Variants in TAFA2 observed in about 807,000 individuals in gnomAD.
TAFA2 encodes the protein chemokine-like protein TAFA-2.
In TAFA2, 7 loss-of-function variants were observed where a neutral mutation model predicts 18.8. The ratio of observed to expected loss-of-function variants is 0.37; its 90% CI spans 0.21 to 0.70. The LOEUF (loss-of-function observed/expected upper bound fraction) is 0.70, where lower values mean the gene tolerates loss of function less well. Among genes scored for constraint, TAFA2 ranks in the 30% least tolerant of loss-of-function variants. TAFA2 has a pLI of 0.53. For synonymous variants in TAFA2, 60 were observed against 54.2 expected, an observed-to-expected ratio of 1.11 and a Z score of -0.47; for missense variants, 122 against 158.1, an observed-to-expected ratio of 0.77 and a Z score of 1.23.
intron 1 of TAFA2, among the ~76,000 whole-genome samples, chr12:62,029,138 A>C (rs2136742436): frequency 6.6e-6 from 1 of 152,246 alleles, no homozygotes; most frequent in African/African-American, 2.4e-5. Flanking sequence ...ACTTTCACTA[A>C]CTGGTTTTAA....
intron 1 of TAFA2, among the ~76,000 whole-genome samples, chr12:62,035,865 C>T (rs1207954529): frequency 7.9e-5 from 12 of 151,076 alleles, no homozygotes; most frequent in Admixed American, 2.0e-4. Flanking sequence ...CCTCAGCCTC[C>T]GGTGTAGCTG....
chr12:62,252,985 C>T (rs2062921836), intron 1 of TAFA2: 1 of 152,126 alleles, frequency 6.6e-6, no homozygotes, highest in African/African-American at 2.4e-5. Flanking sequence ...AGAAGGGATC[C>T]ATGTAATTAA....
chr12:61,960,957 C>T (rs914683364), intron 1 of TAFA2, among the ~76,000 whole-genome samples: 1 of 151,816 alleles, frequency 6.6e-6, no homozygotes, highest in Non-Finnish European at 1.5e-5. Context: ...ATACCTGAGC[C>T]TAGGTAATTT....
At chr12:61,745,136 A>G (rs188458013) in intron 4 of TAFA2, among the ~76,000 whole-genome samples, 380 of 152,166 alleles carry the variant, frequency 2.5e-3, no homozygotes, top group Non-Finnish European at 4.6e-3. Context: ...AGAAATATCA[A>G]ATTTAAGGTG....
At chr12:62,077,987 A>T (rs1255562599) in intron 1 of TAFA2, among the ~76,000 whole-genome samples, 1 of 152,132 alleles carries the variant, frequency 6.6e-6, no homozygotes, top group East Asian at 1.9e-4. Flanking sequence ...CACACATTCA[A>T]ATAATCTGTT....
intron 1 of TAFA2, among the ~76,000 whole-genome samples, chr12:61,923,647 G>A (rs1877153847): frequency 6.6e-6 from 1 of 152,060 alleles, no homozygotes; most frequent in Admixed American, 6.6e-5. Context: ...AGCACAAAAA[G>A]GCTGAGAATT....
At chr12:62,088,880 TTCTCTCTCTCTC>T (rs35124773) in intron 1 of TAFA2, among the ~76,000 whole-genome samples, 2 of 149,206 alleles carry the variant, frequency 1.3e-5, no homozygotes, top group Non-Finnish European at 3.0e-5. Context: ...ATGTTTTTCT[TTCTCTCTCTCTC>T]TCTCTCTCTC....
intron 1 of TAFA2, among the ~76,000 whole-genome samples, chr12:62,008,381 C>G (rs1880626377): frequency 6.6e-6 from 1 of 151,964 alleles, no homozygotes; most frequent in South Asian, 2.1e-4. Flanking sequence ...AGTTTCTATA[C>G]TTTTTAAAAT....
chr12:61,956,947 T>C (rs544431988), intron 1 of TAFA2, among the ~76,000 whole-genome samples: 4 of 152,252 alleles, frequency 2.6e-5, no homozygotes, highest in Admixed American at 1.3e-4. Context: ...CAAAGTACTA[T>C]CTGCTTGCAG....
At chr12:61,773,749 T>C (rs1050331933) in intron 2 of TAFA2, among the ~76,000 whole-genome samples, 1 of 151,952 alleles carries the variant, frequency 6.6e-6, no homozygotes. Context: ...ACCATAAAAA[T>C]TCTAGAAGAA....
chr12:61,846,857 T>C (rs569090210), intron 2 of TAFA2, among the ~76,000 whole-genome samples: 6 of 152,292 alleles, frequency 3.9e-5, no homozygotes, highest in Admixed American at 1.3e-4. Context: ...GGTCTGCAGT[T>C]TCAAAATCCA....
At chr12:61,801,588 C>G (rs1461218350) in intron 2 of TAFA2, among the ~76,000 whole-genome samples, 3 of 152,018 alleles carry the variant, frequency 2.0e-5, no homozygotes, top group African/African-American at 7.2e-5. Flanking sequence ...CCCTATCTCT[C>G]ACCACATACA....
At position 62,062,275 on chromosome 12, in the gene TAFA2, A is replaced by G. The variant is rs577478826; in HGVS notation, c.-2+128984T>C. 5.3e-5 allele frequency among the ~76,000 whole-genome samples: 8 copies of G among 152,340 alleles called. No individual in the cohort carries two copies. The South Asian group carries it at 1.4e-3, about 28-fold the overall frequency. ...TCAAGATCAAGTCTACTGTCTTAAT[A>G]TATTTGCTAAATCTGTTAACAATAC... is the stretch of plus-strand genomic sequence containing the variant. On this transcript the variant is annotated intron_variant, in intron 1 of 4. Transcript: ENST00000416284.
chr12:61,972,769 A>G (rs1879294234), intron 1 of TAFA2, among the ~76,000 whole-genome samples: 2 of 151,622 alleles, frequency 1.3e-5, no homozygotes, highest in Admixed American at 1.3e-4. Context: ...GAGACGGGGC[A>G]ATGGGATGAT....
chr12:61,978,539 G>T (rs534261810), intron 1 of TAFA2, among the ~76,000 whole-genome samples: 107 of 152,120 alleles, frequency 7.0e-4, no homozygotes, highest in African/African-American at 2.4e-3. Context: ...GGGGGATGCA[G>T]AAGAACAGCC....
At chr12:62,222,673 A>ATTTT (rs767010579) in intron 1 of TAFA2, among the ~76,000 whole-genome samples, 8 of 140,910 alleles carry the variant, frequency 5.7e-5, no homozygotes, top group African/African-American at 2.1e-4. Context: ...CGCCCAGCTA[A>ATTTT]TTTTTTTTTT....
At chr12:61,864,346 GT>G (rs1387792696) in intron 2 of TAFA2, among the ~76,000 whole-genome samples, 1 of 148,024 alleles carries the variant, frequency 6.8e-6, no homozygotes, top group African/African-American at 2.5e-5. Flanking sequence ...GAAATATATG[GT>G]ATATATTTCT....
chr12:61,853,317 C>G (rs1254066079), intron 2 of TAFA2, among the ~76,000 whole-genome samples: 1 of 151,250 alleles, frequency 6.6e-6, no homozygotes, highest in African/African-American at 2.4e-5. Context: ...GGATGAGCTA[C>G]AATAGAGGGT....
intron 2 of TAFA2, among the ~76,000 whole-genome samples, chr12:61,789,667 G>A (rs975967345): frequency 2.0e-5 from 3 of 151,756 alleles, no homozygotes; most frequent in Admixed American, 6.6e-5. Flanking sequence ...TTCTGTGCAT[G>A]TATCCCAGAA....
Sources: gnomAD v4.1 joint callset for allele counts (sites outside exome capture counted in the v4.1 genomes callset) on GRCh38, gnomAD v4.1.1 for gene constraint, MANE v1.5 for transcripts, NCBI Gene and HGNC (gene_info 2026-07-23, HGNC 2026-07-21) for gene names.